CERS6: variants seen among roughly 807,000 people sequenced by gnomAD.
The protein encoded by CERS6 is LAG1 homolog, ceramide synthase 6.
A neutral mutation model predicts 56.8 loss-of-function variants in CERS6; 26 were observed. The ratio of observed to expected loss-of-function variants is 0.46; its 90% CI spans 0.34 to 0.63. The LOEUF (loss-of-function observed/expected upper bound fraction) is 0.63. Ranked by LOEUF, CERS6 falls within the 30% of genes least tolerant of loss-of-function variation. CERS6 has a pLI of 0.01. For missense variants in CERS6, 415 were observed against 467.5 expected (o/e 0.89, Z 1.04); for synonymous variants, 164 against 173.3 (o/e 0.95, Z 0.42).
At chr2:168,462,304 C>T (rs1019485526) in intron 1 of CERS6, among the ~76,000 whole-genome samples, 1 of 151,976 alleles carries the variant, frequency 6.6e-6, no homozygotes, top group Non-Finnish European at 1.5e-5. Flanking sequence ...TCTTAGGAAC[C>T]ATTTTTTCAT....
At chr2:168,735,880 C>CA (rs145418479) in intron 8 of CERS6, among the ~76,000 whole-genome samples, 4,954 of 106,546 alleles carry the variant, frequency 0.046, 266 homozygotes, top group Middle Eastern at 0.13. Flanking sequence ...GACCCTGTCT[C>CA]AAAAAAAAAA....
chr2:168,550,186 T>A (rs2105374074), intron 2 of CERS6, among the ~76,000 whole-genome samples: 1 of 152,218 alleles, frequency 6.6e-6, no homozygotes, highest in African/African-American at 2.4e-5. Flanking sequence ...TTTGTTGTTT[T>A]TGGTTTTGAG....
chr2:168,768,461 G>A (rs1684778591), intron 9 of CERS6, among the ~76,000 whole-genome samples: 2 of 150,326 alleles, frequency 1.3e-5, no homozygotes, highest in Non-Finnish European at 1.5e-5. Flanking sequence ...TTGAACTCCT[G>A]ACCTCAGGTG....
At chr2:168,565,046 G>C (rs1007508365) in intron 3 of CERS6, among the ~76,000 whole-genome samples, 1 of 152,094 alleles carries the variant, frequency 6.6e-6, no homozygotes, top group Non-Finnish European at 1.5e-5. Context: ...TACTGCCTTA[G>C]CATAAAATTT....
At chr2:168,746,759 T>C (rs1257713208) in intron 8 of CERS6, among the ~76,000 whole-genome samples, 2 of 122,848 alleles carry the variant, frequency 1.6e-5, no homozygotes, top group African/African-American at 6.1e-5. Context: ...TCCAAACTGA[T>C]TTAAAAGGGT....
intron 4 of CERS6, among the ~76,000 whole-genome samples, chr2:168,675,949 T>C (rs1387354815): frequency 6.6e-6 from 1 of 152,126 alleles, no homozygotes; most frequent in Non-Finnish European, 1.5e-5. Context: ...CCTCCCAAAG[T>C]GCTGAGATTA....
chr2:168,561,360 A>G (rs747876626), intron 3 of CERS6, 38 bp downstream of exon 3: 1 of 1,612,956 alleles, frequency 6.2e-7, no homozygotes, highest in Non-Finnish European at 8.5e-7. Flanking sequence ...AAAAGACCTA[A>G]GTACTCATGC....
intron 4 of CERS6, among the ~76,000 whole-genome samples, chr2:168,631,802 T>G (rs1319125118): frequency 7.8e-6 from 1 of 127,538 alleles, no homozygotes; most frequent in African/African-American, 2.9e-5. Flanking sequence ...ATATAATATA[T>G]ATTATATAAT....
At chr2:168,504,870 T>C (rs1427997989) in intron 1 of CERS6, among the ~76,000 whole-genome samples, 2 of 152,100 alleles carry the variant, frequency 1.3e-5, no homozygotes, top group Non-Finnish European at 2.9e-5. Context: ...TAGAGGTTTG[T>C]TGGGGTCTAA....
At chr2:168,717,846 A>T (rs773525591) in intron 7 of CERS6, 26 bp from the exon 8 acceptor site, 32 of 1,539,748 alleles carry the variant, frequency 2.1e-5, no homozygotes, top group Non-Finnish European at 2.8e-5. Context: ...AACTACATTA[A>T]TATATCACAT....
At chr2:168,656,051 A>G (rs1200051346) in intron 4 of CERS6, among the ~76,000 whole-genome samples, 4 of 152,230 alleles carry the variant, frequency 2.6e-5, no homozygotes, top group African/African-American at 9.6e-5. Flanking sequence ...AGGAAAGCCC[A>G]CATCTTTCTT....
intron 8 of CERS6, among the ~76,000 whole-genome samples, chr2:168,737,506 G>A (rs1317202858): frequency 3.3e-5 from 5 of 152,212 alleles, no homozygotes; most frequent in Admixed American, 2.6e-4. Context: ...ATAAAATGAA[G>A]GGCTGCAGTG....
intron 1 of CERS6, among the ~76,000 whole-genome samples, chr2:168,514,880 T>C (rs548890365): frequency 6.6e-6 from 1 of 152,270 alleles, no homozygotes; most frequent in Admixed American, 6.5e-5. Flanking sequence ...AGTTGAATCA[T>C]ATAGTTCACT....
At chr2:168,486,112 A>G (rs1694270067) in intron 1 of CERS6, among the ~76,000 whole-genome samples, 1 of 152,132 alleles carries the variant, frequency 6.6e-6, no homozygotes, top group Non-Finnish European at 1.5e-5. Context: ...ATGATATTGA[A>G]CATCTTTTCA....
At chr2:168,683,164 A>G (rs1409947818) in intron 4 of CERS6, among the ~76,000 whole-genome samples, 1 of 152,186 alleles carries the variant, frequency 6.6e-6, no homozygotes, top group Admixed American at 6.5e-5. Flanking sequence ...TGGGTCAAAG[A>G]TATGTACATT....
intron 8 of CERS6, among the ~76,000 whole-genome samples, chr2:168,720,455 T>G (rs1426160999): frequency 3.3e-5 from 5 of 152,084 alleles, no homozygotes; most frequent in Non-Finnish European, 5.9e-5. Flanking sequence ...ATTCGACACA[T>G]TTTCTGGGGT....
intron 1 of CERS6, among the ~76,000 whole-genome samples, chr2:168,505,446 T>TCCCTATCA (rs1194571072): frequency 2.7e-5 from 4 of 148,606 alleles, no homozygotes; most frequent in Non-Finnish European, 4.5e-5. Context: ...AGGAAATCTC[T>TCCCTATCA]CCCTATCAGA....
At chr2:168,548,508 A>G (rs923834110) in intron 2 of CERS6, among the ~76,000 whole-genome samples, 1 of 152,226 alleles carries the variant, frequency 6.6e-6, no homozygotes, top group African/African-American at 2.4e-5. Context: ...ACAAGAAAGA[A>G]GAAAAGATCA....
At chr2:168,648,576 A>T (rs577404891) in intron 4 of CERS6, among the ~76,000 whole-genome samples, 1 of 151,682 alleles carries the variant, frequency 6.6e-6, no homozygotes, top group Non-Finnish European at 1.5e-5. Flanking sequence ...TTTGGGGTTC[A>T]TTTGTTCTTG....
Sources: gnomAD v4.1 joint callset for allele counts (sites outside exome capture counted in the v4.1 genomes callset) on GRCh38, gnomAD v4.1.1 for gene constraint, MANE v1.5 for transcripts, NCBI Gene and HGNC (gene_info 2026-07-23, HGNC 2026-07-21) for gene names.